The following CLVS1 variants were observed in gnomAD, a reference collection of about 807,000 sequenced individuals.
CLVS1 encodes the protein clavesin 1, also known as clavesin-1.
Under a neutral mutation model 33.1 loss-of-function variants are expected in CLVS1, and 10 were observed. That is an observed-to-expected ratio of 0.30 (90% CI 0.19 to 0.51). The LOEUF (loss-of-function observed/expected upper bound fraction) is 0.51. Ranked by LOEUF, CLVS1 falls within the 20% of genes least tolerant of loss-of-function variation. The pLI is 0.97. For synonymous variants in CLVS1, 163 were observed against 166.1 expected, an observed-to-expected ratio of 0.98 and a Z score of 0.14; for missense variants, 343 against 433.4, an observed-to-expected ratio of 0.79 and a Z score of 1.85.
chr8:61,499,278 C>T (rs1804447380), intron 5 of CLVS1, among the ~76,000 whole-genome samples, 177 bp from the exon 6 acceptor site: 3 of 152,184 alleles, frequency 2.0e-5, no homozygotes, highest in African/African-American at 4.8e-5. Context: ...TGGACTCAAG[C>T]GATCCTCCCA....
chr8:61,444,653 A>G (rs117712936), intron 3 of CLVS1, among the ~76,000 whole-genome samples: 1 of 152,306 alleles, frequency 6.6e-6, no homozygotes, highest in East Asian at 1.9e-4. Flanking sequence ...CACACTACAG[A>G]ATGGAGTCAC....
intron 2 of CLVS1, among the ~76,000 whole-genome samples, chr8:61,273,365 C>T (rs1056933688): frequency 3.4e-4 from 52 of 152,284 alleles, no homozygotes; most frequent in African/African-American, 1.2e-3. Context: ...TCTCCAGCTG[C>T]GTGCTGGGAG....
chr8:60,967,428 C>T, the CLVS1 span: 1 of 328,174 alleles, frequency 3.0e-6, no homozygotes, highest in Non-Finnish European at 6.0e-6. Context: ...GATGGTGGTA[C>T]TGGCTTGGCA....
At chr8:61,004,152 C>T in the CLVS1 span, among the ~76,000 whole-genome samples, 3 of 152,196 alleles carry the variant, frequency 2.0e-5, no homozygotes, top group African/African-American at 7.2e-5. Context: ...TGGCAAGGTG[C>T]TTATGTGGAT....
chr8:61,236,637 C>T (rs907851855), intron 2 of CLVS1, among the ~76,000 whole-genome samples: 1 of 152,192 alleles, frequency 6.6e-6, no homozygotes, highest in Non-Finnish European at 1.5e-5. Flanking sequence ...CATCTCTCCT[C>T]CCCATGCTCA....
chr8:61,238,113 G>A (rs1808606021), intron 2 of CLVS1, among the ~76,000 whole-genome samples: 1 of 152,188 alleles, frequency 6.6e-6, no homozygotes, highest in South Asian at 2.1e-4. Flanking sequence ...GGGTCCTATA[G>A]AAGATCTACT....
chr8:61,270,975 T>A (rs1472655694), intron 2 of CLVS1, among the ~76,000 whole-genome samples: 25 of 151,428 alleles, frequency 1.7e-4, no homozygotes, highest in African/African-American at 5.3e-4. Context: ...GCTCCTGGAT[T>A]CATTAATTTT....
chr8:61,203,263 T>C (rs1018823970), intron 2 of CLVS1: 32 of 913,908 alleles, frequency 3.5e-5, no homozygotes, highest in Non-Finnish European at 4.6e-5. Flanking sequence ...AAATTTTCCG[T>C]CTTATTTCAT....
At position 61,300,110 on chromosome 8, in the gene CLVS1, G is replaced by A; in HGVS notation, c.283G>A (p.Ala95Thr). The change falls in exon 2 of 6, where the codon GCT (alanine) becomes ACT (threonine). Residue 95 changes from alanine to threonine, a missense_variant. By Grantham distance (58) the Ala-to-Thr change is moderately conservative. Around this residue, in one of 4 missense-constraint regions of CLVS1, gnomAD observed 166 missense variants for 244.0 expected, o/e 0.68. Transcript: ENST00000325897. ...FHQADAFRLLAQYFQYRQLNL... is the reference protein window; with the variant it reads ...FHQADAFRLLTQYFQYRQLNL... ...CCAAGCGGATGCCTTTAGACTCCTG[G>A]CTCAGTATTTCCAGTACCGCCAGCT... 1 of 1,613,974 alleles carries A rather than the reference G, an allele frequency of 6.2e-7. No homozygotes were observed. The highest frequency in any genetic ancestry group is 2.2e-5 in the East Asian group (1 of 44,884).
chr8:61,008,066 AG>A, the CLVS1 span, among the ~76,000 whole-genome samples: 3 of 152,332 alleles, frequency 2.0e-5, no homozygotes, highest in African/African-American at 7.2e-5. Context: ...TTGATGGGTC[AG>A]TGGGAAGAAT....
chr8:61,024,624 C>A, the CLVS1 span, among the ~76,000 whole-genome samples: 4 of 152,148 alleles, frequency 2.6e-5, no homozygotes, highest in East Asian at 1.9e-4. Flanking sequence ...TCTCTCCCCC[C>A]AGTCAAGTGT....
chr8:60,986,692 A>T, the CLVS1 span, among the ~76,000 whole-genome samples: 2 of 152,202 alleles, frequency 1.3e-5, no homozygotes, highest in African/African-American at 4.8e-5. Flanking sequence ...TACTCCCAAC[A>T]TTTATGTATA....
chr8:61,290,870 A>G (rs1809964081), intron 1 of CLVS1, among the ~76,000 whole-genome samples: 1 of 152,162 alleles, frequency 6.6e-6, no homozygotes, highest in South Asian at 2.1e-4. Context: ...GCTTGTTTTG[A>G]TTATTGTTAA....
chr8:61,196,900 T>C (rs772765456), intron 2 of CLVS1, among the ~76,000 whole-genome samples: 12 of 152,210 alleles, frequency 7.9e-5, no homozygotes, highest in Non-Finnish European at 1.5e-4. Flanking sequence ...AAGTGATGTG[T>C]GCAACTTCTG....
At chr8:61,015,108 T>C in the CLVS1 span, among the ~76,000 whole-genome samples, 1 of 152,182 alleles carries the variant, frequency 6.6e-6, no homozygotes, top group African/African-American at 2.4e-5. Context: ...TAGCAGGAAA[T>C]AAGTTTTCCT....
At position 61,068,229 on chromosome 8, in the gene CLVS1, G is replaced by GTATATATATATA. The variant is rs201671807; in HGVS notation, c.-243+11007_-243+11018dup. Among the ~76,000 whole-genome samples, 326 of 100,998 alleles carry GTATATATATATA rather than the reference G, an allele frequency of 3.2e-3. 5 individuals are homozygous for GTATATATATATA. Among genetic ancestry groups the GTATATATATATA allele is most frequent in the African/African-American group, 0.011 (311 of 27,468 alleles). 66.3% of individuals were successfully genotyped at this position (100,998 alleles called of 152,430 possible). On this transcript the variant is annotated intron_variant, in intron 1 of 2. Coordinates refer to the CLVS1 transcript ENST00000522621. ...TATATATATATATATGTATGTATGT[G>GTATATATATATA]TATATATATATATATATATGTATAT...
chr8:61,152,411 AAAT>A (rs1415534058), intron 2 of CLVS1, among the ~76,000 whole-genome samples: 1 of 152,160 alleles, frequency 6.6e-6, no homozygotes, highest in Non-Finnish European at 1.5e-5. Context: ...GGGAATTCAT[AAAT>A]AATAGAAATT....
intron 2 of CLVS1, among the ~76,000 whole-genome samples, chr8:61,134,846 A>C (rs1585634561): frequency 6.6e-6 from 1 of 152,018 alleles, no homozygotes; most frequent in African/African-American, 2.4e-5. Context: ...ATGTAACACA[A>C]CTCGATTACA....
chr8:61,390,624 A>G (rs1267740208), intron 3 of CLVS1, among the ~76,000 whole-genome samples: 1 of 152,084 alleles, frequency 6.6e-6, no homozygotes, highest in Non-Finnish European at 1.5e-5. Flanking sequence ...TTTTTGTTTC[A>G]GTTTGCTTTG....
Sources: gnomAD v4.1 joint callset for allele counts (sites outside exome capture counted in the v4.1 genomes callset) on GRCh38, gnomAD v4.1.1 for gene constraint, gnomAD v4.1.1 regional missense constraint, MANE v1.5 for transcripts, NCBI Gene and HGNC (gene_info 2026-07-23, HGNC 2026-07-21) for gene names.